Variants in PCGF5 observed in about 807,000 individuals in gnomAD.
PCGF5 encodes polycomb group ring finger 5, also known as polycomb group RING finger protein 5.
In PCGF5, 9 loss-of-function variants were observed where a neutral mutation model predicts 44.3. The observed-to-expected ratio is 0.20, with a 90% confidence interval of 0.12 to 0.35. The LOEUF is 0.35. Ranked by LOEUF, PCGF5 falls within the 10% of genes least tolerant of loss-of-function variation. The pLI is 1.00. For synonymous variants in PCGF5, 95 were observed against 102.5 expected (o/e 0.93, Z 0.44); for missense variants, 146 against 305.3 (o/e 0.48, Z 3.89).
chr10:91,226,762 G>A (rs1844851748), intron 2 of PCGF5, among the ~76,000 whole-genome samples: 1 of 152,122 alleles, frequency 6.6e-6, no homozygotes, highest in Non-Finnish European at 1.5e-5. Flanking sequence ...GGGCAGCCCA[G>A]GGTCCTGGCA....
chr10:91,239,062 A>T (rs1347178289), intron 2 of PCGF5, among the ~76,000 whole-genome samples: 1 of 152,066 alleles, frequency 6.6e-6, no homozygotes, highest in Non-Finnish European at 1.5e-5. Flanking sequence ...AAGGGGTCCT[A>T]TCCTGATCAC....
chr10:91,183,294 A>G (rs1344926938), intron 1 of PCGF5, among the ~76,000 whole-genome samples: 1 of 152,062 alleles, frequency 6.6e-6, no homozygotes, highest in South Asian at 2.1e-4. Flanking sequence ...GGGTATATAT[A>G]TATTTAGAAT....
At chr10:91,246,321 G>A (rs556479204) in intron 3 of PCGF5, among the ~76,000 whole-genome samples, 6 of 152,236 alleles carry the variant, frequency 3.9e-5, no homozygotes, top group South Asian at 2.1e-4. Context: ...TGGTTTGGTC[G>A]GAGAGTACAG....
intron 3 of PCGF5, among the ~76,000 whole-genome samples, chr10:91,244,586 G>A (rs1845410369): frequency 6.6e-6 from 1 of 152,204 alleles, no homozygotes; most frequent in East Asian, 1.9e-4. Flanking sequence ...TGACTGTGTT[G>A]AGAACACCGC....
intron 1 of PCGF5, among the ~76,000 whole-genome samples, chr10:91,182,050 T>G (rs910849891): frequency 6.6e-6 from 1 of 152,174 alleles, no homozygotes; most frequent in South Asian, 2.1e-4. Context: ...ATTTATCAAT[T>G]TTTTCTAGAT....
At chr10:91,262,929 A>G (rs756516160) in intron 7 of PCGF5, among the ~76,000 whole-genome samples, 40 of 152,176 alleles carry the variant, frequency 2.6e-4, no homozygotes, top group African/African-American at 2.2e-4. Flanking sequence ...TTGAGTTAAC[A>G]TTTTCTAATT....
chr10:91,204,903 A>G (rs1487981189), intron 1 of PCGF5, among the ~76,000 whole-genome samples: 1 of 152,164 alleles, frequency 6.6e-6, no homozygotes, highest in Admixed American at 6.5e-5. Flanking sequence ...TCAAGTTTTA[A>G]CTTCTTTCTC....
At chr10:91,267,359 C>T (rs1421854396) in intron 8 of PCGF5, among the ~76,000 whole-genome samples, 3 of 152,284 alleles carry the variant, frequency 2.0e-5, no homozygotes, top group Non-Finnish European at 2.9e-5. Context: ...ATACCACCTC[C>T]GGCATATTAT....
intron 1 of PCGF5, among the ~76,000 whole-genome samples, chr10:91,180,923 C>G (rs945550735): frequency 1.3e-5 from 2 of 152,286 alleles, no homozygotes; most frequent in Non-Finnish European, 2.9e-5. Flanking sequence ...AGCATTGAAT[C>G]TATAAATTGC....
At chr10:91,168,929 G>GAA (rs57345364) in intron 1 of PCGF5, among the ~76,000 whole-genome samples, 35 of 56,204 alleles carry the variant, frequency 6.2e-4, no homozygotes, top group Non-Finnish European at 8.4e-4. Flanking sequence ...CTCCGTCTCA[G>GAA]AAAAAAAAAA....
At chr10:91,215,462 A>G (rs999683803), upstream of PCGF5, among the ~76,000 whole-genome samples, 1 of 152,256 alleles carries the variant, frequency 6.6e-6, no homozygotes, top group Non-Finnish European at 1.5e-5. Context: ...CGTCATAGAA[A>G]TAAAAACATA....
intron 1 of PCGF5, among the ~76,000 whole-genome samples, chr10:91,212,922 T>C (rs990236944): frequency 2.6e-5 from 4 of 152,202 alleles, no homozygotes; most frequent in Non-Finnish European, 5.9e-5. Flanking sequence ...GTAGAAACTA[T>C]GAAAAATTGT....
At chr10:91,213,508 A>T (rs538293344) in intron 1 of PCGF5, among the ~76,000 whole-genome samples, 9 of 152,242 alleles carry the variant, frequency 5.9e-5, no homozygotes, top group Admixed American at 2.6e-4. Context: ...CTTGTTGCCC[A>T]GGCTGGAGTG....
chr10:91,244,023 C>T (rs1010206376), intron 3 of PCGF5, among the ~76,000 whole-genome samples: 4 of 152,094 alleles, frequency 2.6e-5, no homozygotes, highest in African/African-American at 7.2e-5. Flanking sequence ...GAGGTCCATT[C>T]GCAGACAAAA....
At chr10:91,178,578 C>T (rs540859938) in intron 1 of PCGF5, among the ~76,000 whole-genome samples, 1 of 151,882 alleles carries the variant, frequency 6.6e-6, no homozygotes, top group Non-Finnish European at 1.5e-5. Flanking sequence ...TTTGTAGAGA[C>T]AGGGTTTCAC....
chr10:91,196,569 T>C (rs1844138855), intron 1 of PCGF5, among the ~76,000 whole-genome samples: 1 of 152,182 alleles, frequency 6.6e-6, no homozygotes, highest in Non-Finnish European at 1.5e-5. Flanking sequence ...AGAGAAAGTT[T>C]CCTTACTACC....
intron 3 of PCGF5, among the ~76,000 whole-genome samples, chr10:91,244,463 A>C (rs566514958): frequency 6.6e-6 from 1 of 152,310 alleles, no homozygotes; most frequent in African/African-American, 2.4e-5. Flanking sequence ...ATGAGATTCC[A>C]GATTATGAAG....
At chr10:91,164,221 G>GT (rs1280430504) in intron 1 of PCGF5, among the ~76,000 whole-genome samples, 1 of 152,174 alleles carries the variant, frequency 6.6e-6, no homozygotes, top group Non-Finnish European at 1.5e-5. Context: ...GGACAGCGGG[G>GT]TCCCCCCCTT....
intron 1 of PCGF5, among the ~76,000 whole-genome samples, chr10:91,166,984 G>A (rs1027260635): frequency 6.6e-6 from 1 of 152,166 alleles, no homozygotes; most frequent in African/African-American, 2.4e-5. Flanking sequence ...TGGTCAGGAT[G>A]GGGGAGGGGA....
Sources: gnomAD v4.1 joint callset for allele counts (sites outside exome capture counted in the v4.1 genomes callset) on GRCh38, gnomAD v4.1.1 for gene constraint, MANE v1.5 for transcripts, NCBI Gene and HGNC (gene_info 2026-07-23, HGNC 2026-07-21) for gene names.